HEPHL1: variants seen among roughly 807,000 people sequenced by gnomAD.
The protein encoded by HEPHL1 is hephaestin like 1, also known as ferroxidase HEPHL1.
Under a neutral mutation model 122.0 loss-of-function variants are expected in HEPHL1, and 123 were observed. The observed-to-expected ratio is 1.01, with a 90% CI of 0.87 to 1.17. The LOEUF is 1.17. HEPHL1 is among the 50% of genes most tolerant of loss of function. The pLI is 0.00. For synonymous variants in HEPHL1, 527 were observed against 508.9 expected, an observed-to-expected ratio of 1.04 and a Z score of -0.48; for missense variants, 1,452 against 1,430.5, an observed-to-expected ratio of 1.01 and a Z score of -0.24.
intron 9 of HEPHL1, among the ~76,000 whole-genome samples, chr11:94,081,712 T>C (rs1946171533): frequency 6.6e-6 from 1 of 152,160 alleles, no homozygotes; most frequent in Non-Finnish European, 1.5e-5. Context: ...TTCTTGGTGA[T>C]GCAGGTACAG....
chr11:94,060,094 A>T (rs6144451), intron 2 of HEPHL1, among the ~76,000 whole-genome samples: 986 of 1,524 alleles, frequency 0.65, 284 homozygotes, highest in Middle Eastern at 1. Flanking sequence ...ATATTTTATT[A>T]TATATATATA....
chr11:94,085,638 T>C lies in HEPHL1; in HGVS notation c.1868-339T>C, dbSNP rs572571533. On this transcript the variant is annotated intron_variant, in intron 10 of 19. Coordinates refer to ENST00000315765, the MANE Select transcript of HEPHL1 (RefSeq NM_001098672.2). ...AAGAGACATTTAACAAGGGAGATCA[T>C]AGGAAAATAACCACAAAAGAAAAAG... is the stretch of plus-strand genomic sequence containing the variant. Among the ~76,000 whole-genome samples, 3 of 152,312 alleles carry C rather than the reference T, an allele frequency of 2.0e-5. No homozygotes were observed. The South Asian group carries it at 6.2e-4, about 32-fold the overall frequency.
chr11:94,061,129 G>C (rs1945982824), intron 2 of HEPHL1, among the ~76,000 whole-genome samples: 1 of 152,182 alleles, frequency 6.6e-6, no homozygotes, highest in African/African-American at 2.4e-5. Flanking sequence ...CTTTTACTGG[G>C]AGTAGTGGCA....
At chr11:94,025,587 C>G (rs768107761) in intron 1 of HEPHL1, among the ~76,000 whole-genome samples, 17 of 152,080 alleles carry the variant, frequency 1.1e-4, no homozygotes, top group Non-Finnish European at 2.1e-4. Flanking sequence ...TGAGGCTAGC[C>G]ACTGCTCAAA....
At chr11:94,046,805 AT>A (rs1414505518) in intron 2 of HEPHL1, among the ~76,000 whole-genome samples, 3 of 152,016 alleles carry the variant, frequency 2.0e-5, no homozygotes, top group South Asian at 2.1e-4. Context: ...CATCAAAAAT[AT>A]TTTTTTTGAA....
chr11:94,081,637 T>C (rs1317369117), intron 9 of HEPHL1, among the ~76,000 whole-genome samples: 1 of 152,122 alleles, frequency 6.6e-6, no homozygotes, highest in East Asian at 1.9e-4. Flanking sequence ...CTAAGTCTCG[T>C]CAGTTATATG....
intron 2 of HEPHL1, among the ~76,000 whole-genome samples, chr11:94,061,950 T>C (rs1321751943): frequency 6.6e-6 from 1 of 152,138 alleles, no homozygotes; most frequent in Admixed American, 6.6e-5. Context: ...AAGCTAATTA[T>C]ATTGACCTAA....
At chr11:94,096,601 T>G (rs907806340) in intron 13 of HEPHL1, among the ~76,000 whole-genome samples, 1 of 152,228 alleles carries the variant, frequency 6.6e-6, no homozygotes, top group African/African-American at 2.4e-5. Context: ...TGGTACCAGC[T>G]CCTCCTTGTA....
At position 94,104,707 on chromosome 11, in the gene HEPHL1, T is replaced by C. The variant is rs1946395194; in HGVS notation, c.2862T>C (p.Asp954=). 6.2e-7 allele frequency: 1 copy of C among 1,613,860 alleles called. No individual in the cohort carries two copies. ...AGTATCTCAACAAAGATCCACGAGATTTTAAGCGCACTGATGATTTTGAGG... is the reference window on the plus strand; with the variant it reads ...AGTATCTCAACAAAGATCCACGAGACTTTAAGCGCACTGATGATTTTGAGG... ...IKKYLNKDPR[D]FKRTDDFEES... Residue 954 remains aspartate (D), a synonymous_variant, in exon 16 of 20, where the codon GAT becomes GAC. Coordinates refer to ENST00000315765, the MANE Select transcript of HEPHL1 (RefSeq NM_001098672.2).
chr11:94,029,230 CAG>C (rs1945652380), intron 1 of HEPHL1, among the ~76,000 whole-genome samples: 1 of 152,184 alleles, frequency 6.6e-6, no homozygotes, highest in African/African-American at 2.4e-5. Flanking sequence ...GATGTGGAGT[CAG>C]TGCAGGGGAA....
At chr11:94,084,684 A>C (rs1946201166) in intron 10 of HEPHL1, among the ~76,000 whole-genome samples, 1 of 152,212 alleles carries the variant, frequency 6.6e-6, no homozygotes, top group Non-Finnish European at 1.5e-5. Flanking sequence ...CCAGCCAGCC[A>C]AGGACTGAAT....
At position 94,060,095 on chromosome 11, in the gene HEPHL1, TATATATATA is replaced by T. The variant is rs1945972614; in HGVS notation, c.416-3412_416-3404del. On this transcript the variant is annotated intron_variant, in intron 2 of 19. Transcript: ENST00000315765. ...AATACCACTCAGTCATATTTTATTA[TATATATATA>T]TATATATATATATATATATATATAT... 1.7e-3 allele frequency among the ~76,000 whole-genome samples: 232 copies of T among 135,908 alleles called. 22 individuals are homozygous for T. The highest frequency in any genetic ancestry group is 4.9e-3 in the African/African-American group (160 of 32,830). 89.2% of individuals were successfully genotyped at this position (135,908 alleles called of 152,430 possible). A position where few individuals can be genotyped will look rare whatever the true frequency, so the allele number is the denominator to read the frequency against.
chr11:94,031,017 A>G (rs954510902), intron 1 of HEPHL1, among the ~76,000 whole-genome samples: 3 of 152,200 alleles, frequency 2.0e-5, no homozygotes, highest in African/African-American at 7.2e-5. Flanking sequence ...ACTCAATCCA[A>G]CAACACCCTT....
rs759201377 is a variant in HEPHL1 at position 94,110,900 on chromosome 11, CAGAT to C, written c.3049_3052del (p.Asp1017AsnfsTer52). 9.1e-5 allele frequency: 147 copies of C among 1,607,174 alleles called. No homozygotes were observed. The East Asian group carries it at 1.9e-3, about 21-fold the overall frequency. ...GCTGTTGTTTTTTAAAACGTTTTTG[CAGAT>C]AGATAAATCTTACCGAGAAGATGTG... On this transcript the variant is annotated splice_acceptor_variant and coding_sequence_variant, in exon 18 of 20. Transcript: ENST00000315765. LOFTEE classifies it high-confidence loss of function.
At chr11:94,059,262 TC>T (rs1365959345) in intron 2 of HEPHL1, among the ~76,000 whole-genome samples, 1 of 152,206 alleles carries the variant, frequency 6.6e-6, no homozygotes, top group African/African-American at 2.4e-5. Context: ...TTGTGCAATA[TC>T]CCACCATATG....
At chr11:94,032,338 G>A (rs1043598747) in intron 1 of HEPHL1, among the ~76,000 whole-genome samples, 1 of 152,174 alleles carries the variant, frequency 6.6e-6, no homozygotes, top group African/African-American at 2.4e-5. Flanking sequence ...GTTGCTGGTG[G>A]GTTTGACCTG....
Position 94,052,358 on chromosome 11 carries a change from G to T in HEPHL1, c.415+6441G>T, listed in dbSNP as rs555899907. On this transcript the variant is annotated intron_variant, in intron 2 of 19. Coordinates refer to ENST00000315765, the MANE Select transcript of HEPHL1 (RefSeq NM_001098672.2). ...TTTCCTTAGTTACGTTAACTTCTAG[G>T]TATTTAATTTTATTTGTAGCTACTG... Among the ~76,000 whole-genome samples the T allele has an allele frequency of 2.6e-5, 4 of 151,796 alleles. No individual in the cohort carries two copies. In the East Asian group the frequency reaches 7.7e-4, roughly 29 times the overall value.
At chr11:94,031,326 A>G (rs996933034) in intron 1 of HEPHL1, among the ~76,000 whole-genome samples, 1 of 122,372 alleles carries the variant, frequency 8.2e-6, no homozygotes, top group Admixed American at 9.4e-5. Context: ...GTAAATGTGC[A>G]TTGTTACACA....
chr11:94,024,628 A>G (rs1945608594), intron 1 of HEPHL1, among the ~76,000 whole-genome samples: 1 of 152,184 alleles, frequency 6.6e-6, no homozygotes, highest in South Asian at 2.1e-4. Context: ...CACTTCATAC[A>G]TGAAGCTTTC....
Sources: allele counts gnomAD v4.1 joint callset (sites outside exome capture counted in the v4.1 genomes callset), GRCh38; gene constraint gnomAD v4.1.1; transcripts MANE v1.5; gene names NCBI Gene and HGNC (gene_info 2026-07-23, HGNC 2026-07-21).